Variants in COBLL1 observed in about 807,000 individuals in gnomAD.
COBLL1 encodes cordon-bleu WH2 repeat protein like 1.
COBLL1 carries 50 observed loss-of-function variants against 94.8 expected under a neutral mutation model. That is an observed-to-expected ratio of 0.53 (90% CI 0.42 to 0.67). COBLL1 has a LOEUF of 0.67. COBLL1 is among the 30% of genes least tolerant of loss of function. The probability of loss-of-function intolerance (pLI) is 0.00; values close to 1 mark genes in which losing one functional copy is unlikely to be tolerated. For missense variants in COBLL1, 1,362 were observed against 1,348.7 expected (o/e 1.01, Z -0.15); for synonymous variants, 448 against 473.8 (o/e 0.95, Z 0.71).
chr2:164,841,862 G>T, upstream of COBLL1: 1 of 899,846 alleles, frequency 1.1e-6, no homozygotes, highest in Non-Finnish European at 1.7e-6. The surrounding 1 kb of genome is among the most constrained non-coding windows in gnomAD (Gnocchi z 5.5). Flanking sequence ...GCCCAGCGCG[G>T]GCAGGGCCGA....
rs141238166 is a variant in COBLL1 at position 164,803,582 on chromosome 2, TAAATAAAATA to T, written c.41+37564_41+37573del. ...TCTGTCTCAAAAATAAATAAATAAA[TAAATAAAATA>T]AAATAAAATAAAATAAAAAGCAAAG... On this transcript the variant is annotated intron_variant, in intron 2 of 13. Transcript: ENST00000652658. 1.5e-4 allele frequency among the ~76,000 whole-genome samples: 22 copies of T among 146,430 alleles called. No homozygotes were observed. The East Asian group carries it at 3.5e-3, about 23-fold the overall frequency.
chr2:164,825,171 C>T (rs1236120615), intron 2 of COBLL1, among the ~76,000 whole-genome samples: 1 of 152,028 alleles, frequency 6.6e-6, no homozygotes, highest in East Asian at 1.9e-4. Flanking sequence ...GCTTGCATAA[C>T]CAGAGTCCTG....
intron 2 of COBLL1, chr2:164,837,409 C>A (rs781045622): frequency 4.4e-6 from 2 of 454,106 alleles, no homozygotes; most frequent in Non-Finnish European, 9.0e-6. Flanking sequence ...TGGATATCCA[C>A]GTTAGAGAAG....
At chr2:164,662,317 G>T (rs976147331) in intron 2 of COBLL1, among the ~76,000 whole-genome samples, 3 of 152,210 alleles carry the variant, frequency 2.0e-5, no homozygotes, top group Middle Eastern at 3.4e-3. Context: ...TAAAGCATAA[G>T]ATTACAAGTA....
chr2:164,818,536 T>C (rs1349909930), intron 2 of COBLL1, among the ~76,000 whole-genome samples: 2 of 142,772 alleles, frequency 1.4e-5, no homozygotes, highest in Admixed American at 7.3e-5. Flanking sequence ...AATATACATA[T>C]TTACATATAT....
At chr2:164,763,588 A>G (rs1404206825) in intron 2 of COBLL1, among the ~76,000 whole-genome samples, 1 of 152,222 alleles carries the variant, frequency 6.6e-6, no homozygotes, top group Non-Finnish European at 1.5e-5. Flanking sequence ...TCCATGAAGT[A>G]TAGACTATAT....
chr2:164,730,822 C>G (rs965174001), intron 3 of COBLL1, among the ~76,000 whole-genome samples: 1 of 152,120 alleles, frequency 6.6e-6, no homozygotes, highest in Non-Finnish European at 1.5e-5. Context: ...TTGGAACCAC[C>G]ACCACCACTT....
rs535005159 is a variant in COBLL1 at position 164,782,578 on chromosome 2, T to C, written c.42-38703A>G. Among the ~76,000 whole-genome samples the C allele has an allele frequency of 3.9e-5, 6 of 152,238 alleles. No homozygotes were observed. In the South Asian group the frequency reaches 1.2e-3, roughly 32 times the overall value. ...GAGTACAGGCTTCCTTTAGGAACTGTTCTGGGCTAGGATAGTGGTGATGGT... is the reference window on the plus strand; with the variant it reads ...GAGTACAGGCTTCCTTTAGGAACTGCTCTGGGCTAGGATAGTGGTGATGGT... On this transcript the variant is annotated intron_variant, in intron 2 of 13. Coordinates refer to ENST00000652658, the MANE Select transcript of COBLL1 (RefSeq NM_001365672.2).
intron 11 of COBLL1, chr2:164,698,051 G>A (rs912765858): frequency 1.3e-5 from 2 of 151,990 alleles, no homozygotes; most frequent in African/African-American, 4.8e-5. Context: ...GTTGACAAAA[G>A]TCGTAGCAAA....
At chr2:164,839,245 A>G (rs1485479674) in intron 2 of COBLL1, among the ~76,000 whole-genome samples, 1 of 152,188 alleles carries the variant, frequency 6.6e-6, no homozygotes, top group Admixed American at 6.5e-5. Context: ...CAAATTAGAT[A>G]AGGCTCTTTT....
intron 3 of COBLL1, among the ~76,000 whole-genome samples, chr2:164,735,118 C>T (rs1022502090): frequency 6.6e-5 from 10 of 152,148 alleles, no homozygotes; most frequent in Admixed American, 2.0e-4. Flanking sequence ...ATGTGAGCTC[C>T]CCTCTAGCAG....
Position 164,730,117 on chromosome 2 carries a change from T to C in COBLL1, c.231-2A>G, listed in dbSNP as rs1685918658. The C allele has an allele frequency of 6.2e-7, 1 of 1,610,616 alleles. No individual in the cohort carries two copies. The highest frequency in any genetic ancestry group is 2.2e-5 in the East Asian group (1 of 44,798). On this transcript the variant is annotated splice_acceptor_variant, in intron 3 of 13. Transcript: ENST00000652658. LOFTEE classifies it high-confidence loss of function. Reference sequence around the variant, plus strand: ...ATCAACAAGTCCATCATAGGTTTACTGTAAAACAAGAGTATTTCATTACCC... The same window carrying C: ...ATCAACAAGTCCATCATAGGTTTACCGTAAAACAAGAGTATTTCATTACCC...
At chr2:164,821,507 A>C (rs771192447) in intron 2 of COBLL1, among the ~76,000 whole-genome samples, 3 of 152,196 alleles carry the variant, frequency 2.0e-5, no homozygotes, top group Non-Finnish European at 4.4e-5. Flanking sequence ...GAGTGTTCCC[A>C]GTCTGTGTAC....
chr2:164,739,709 G>A (rs1484356119), intron 3 of COBLL1, among the ~76,000 whole-genome samples: 1 of 152,074 alleles, frequency 6.6e-6, no homozygotes, highest in Non-Finnish European at 1.5e-5. Flanking sequence ...CCAAATTCTT[G>A]TATTATTCTG....
At chr2:164,679,022 C>A (rs1394717072), downstream of COBLL1, among the ~76,000 whole-genome samples, 1 of 152,168 alleles carries the variant, frequency 6.6e-6, no homozygotes, top group African/African-American at 2.4e-5. Context: ...ATTACCAACT[C>A]CTATCCACCC....
At chr2:164,686,866 T>C (rs1683320912) in intron 13 of COBLL1, among the ~76,000 whole-genome samples, 2 of 152,246 alleles carry the variant, frequency 1.3e-5, no homozygotes, top group Non-Finnish European at 1.5e-5. Context: ...AACACTATCA[T>C]TTTCTTACAA....
chr2:164,706,128 G>A (rs1684587704), intron 7 of COBLL1, among the ~76,000 whole-genome samples: 1 of 152,086 alleles, frequency 6.6e-6, no homozygotes, highest in Admixed American at 6.5e-5. Flanking sequence ...ACTTTTCCCA[G>A]CCTTTGATCC....
intron 2 of COBLL1, among the ~76,000 whole-genome samples, chr2:164,787,544 A>G (rs1375658435): frequency 1.3e-5 from 2 of 152,132 alleles, no homozygotes; most frequent in Non-Finnish European, 2.9e-5. Context: ...TTTTTTTGGC[A>G]ACTATACCTC....
In COBLL1 at chr2:164,722,089, C is replaced by G; in HGVS notation, c.982G>C (p.Asp328His). 5 of 1,603,152 alleles carry G rather than the reference C, an allele frequency of 3.1e-6. No individual in the cohort carries two copies. Among genetic ancestry groups the G allele is most frequent in the Non-Finnish European group, 4.3e-6 (5 of 1,174,182 alleles). ...AAACTACACACCTTATCTGTCTCAT[C>G]CACGCTCATGGATTTCACTATACAA... ...ASCIVKSMSV[D>H]ETDKSPCEAG... Residue 328 changes from aspartate (D) to histidine (H), a missense_variant, in exon 7 of 14, where the codon GAT (aspartate) becomes CAT (histidine). Physicochemically the swap from Asp to His is moderately conservative, Grantham distance 81. Transcript: ENST00000652658.
Sources: gnomAD v4.1 joint callset for allele counts (sites outside exome capture counted in the v4.1 genomes callset) on GRCh38, gnomAD v4.1.1 for gene constraint, Gnocchi (gnomAD v3.1) non-coding constraint, MANE v1.5 for transcripts, NCBI Gene and HGNC (gene_info 2026-07-23, HGNC 2026-07-21) for gene names.